Variants in CRBN observed in about 807,000 individuals in gnomAD.
CRBN encodes cereblon.
Under a neutral mutation model 62.2 loss-of-function variants are expected in CRBN, and 53 were observed. That is an observed-to-expected ratio of 0.85 (90% confidence interval 0.68 to 1.07). The LOEUF (loss-of-function observed/expected upper bound fraction) is 1.07. CRBN is among the 50% of genes least tolerant of loss of function. The pLI, the probability that CRBN is intolerant of heterozygous loss-of-function variation, is 0.00. For missense variants in CRBN, 616 were observed against 531.1 expected, an observed-to-expected ratio of 1.16 and a Z score of -1.57; for synonymous variants, 208 against 176.1, an observed-to-expected ratio of 1.18 and a Z score of -1.43.
intron 4 of CRBN, among the ~76,000 whole-genome samples, 190 bp from the exon 5 acceptor site, chr3:3,167,983 A>C (rs886611631): frequency 6.6e-6 from 1 of 152,082 alleles, no homozygotes; most frequent in Admixed American, 6.5e-5. Flanking sequence ...ATCATACCAA[A>C]GTTAAAACCA....
intron 1 of CRBN, among the ~76,000 whole-genome samples, chr3:3,177,511 G>C (rs2126070964): frequency 6.6e-6 from 1 of 152,250 alleles, no homozygotes; most frequent in East Asian, 1.9e-4. Flanking sequence ...TAAAAAAAGA[G>C]CTATCTAAAT....
At chr3:3,160,934 C>T (rs763646358) in intron 5 of CRBN, among the ~76,000 whole-genome samples, 2 of 152,078 alleles carry the variant, frequency 1.3e-5, no homozygotes, top group Non-Finnish European at 2.9e-5. Context: ...AATAGGGAGC[C>T]ATCTGGAAAA....
At chr3:3,167,930 T>G in intron 4 of CRBN, 137 bp from the exon 5 acceptor site, 1 of 756,962 alleles carries the variant, frequency 1.3e-6, no homozygotes, top group Non-Finnish European at 2.2e-6. Flanking sequence ...CAAATACTGA[T>G]GTTAAGATAC....
intron 1 of CRBN, among the ~76,000 whole-genome samples, chr3:3,177,257 T>C (rs1057426164): frequency 6.6e-6 from 1 of 152,208 alleles, no homozygotes; most frequent in Admixed American, 6.5e-5. Flanking sequence ...AAAATGTCAT[T>C]ACGAAATAAT....
chr3:3,161,645 C>T (rs1189123106), intron 5 of CRBN, among the ~76,000 whole-genome samples: 1 of 152,124 alleles, frequency 6.6e-6, no homozygotes, highest in African/African-American at 2.4e-5. Context: ...CCTCAGCCTC[C>T]CAAAGTGCTG....
At chr3:3,165,566 T>C (rs1219117741) in intron 5 of CRBN, among the ~76,000 whole-genome samples, 1 of 152,222 alleles carries the variant, frequency 6.6e-6, no homozygotes. Context: ...TTGTATTTTT[T>C]AGCAATAAAG....
chr3:3,154,697 T>G (rs1034185403), intron 7 of CRBN, 50 bp downstream of exon 7: 10 of 1,019,574 alleles, frequency 9.8e-6, no homozygotes, highest in Non-Finnish European at 1.6e-5. Flanking sequence ...AAAAGCTATT[T>G]TTTATAGCAA....
At chr3:3,152,165 T>TTTA (rs397811853) in intron 10 of CRBN, among the ~76,000 whole-genome samples, 2 of 151,084 alleles carry the variant, frequency 1.3e-5, no homozygotes, top group South Asian at 2.1e-4. Context: ...TTTTTTTTTT[T>TTTA]AAATAGACAG....
Position 3,174,397 on chromosome 3 carries a change from T to C in CRBN, c.175-136A>G, listed in dbSNP as rs1707747768. 3 of 744,890 alleles carry C rather than the reference T, an allele frequency of 4.0e-6. No homozygotes were observed. The South Asian group carries it at 5.0e-5, about 12-fold the overall frequency. 46.1% of individuals were successfully genotyped at this position (744,890 alleles called of 1,614,324 possible). ...GGCTCACACCTGTAATTCCAGCACT[T>C]TGGGAGGCCGAGGTAGGCGGATCAC... On this transcript the variant is annotated intron_variant, in intron 2 of 10. Coordinates refer to ENST00000231948, the MANE Select transcript of CRBN (RefSeq NM_016302.4).
intron 4 of CRBN, among the ~76,000 whole-genome samples, chr3:3,171,521 T>C (rs955380118): frequency 1.3e-5 from 2 of 152,136 alleles, no homozygotes; most frequent in African/African-American, 4.8e-5. Flanking sequence ...CATAAAATCC[T>C]GTCAGGACAG....
chr3:3,174,304 T>G lies in CRBN; in HGVS notation c.175-43A>C, dbSNP rs571837757. 8 of 1,456,544 alleles carry G rather than the reference T, an allele frequency of 5.5e-6. No homozygotes were observed. The African/African-American group carries it at 1.1e-4, about 20-fold the overall frequency. 90.2% of individuals were successfully genotyped at this position (1,456,544 alleles called of 1,614,324 possible). On this transcript the variant is annotated intron_variant, in intron 2 of 10. Coordinates refer to ENST00000231948, the MANE Select transcript of CRBN (RefSeq NM_016302.4). ...TAGGTATAGTGTCATGATCGATATG[T>G]AATAAAAATGTAAGCTCAACAGACT...
At position 3,154,777 on chromosome 3, in the gene CRBN, T is replaced by C. The variant is rs1293363428; in HGVS notation, c.805A>G (p.Lys269Glu). 1 of 1,605,814 alleles carries C rather than the reference T, an allele frequency of 6.2e-7. No homozygotes were observed. Among genetic ancestry groups the C allele is most frequent in the Non-Finnish European group, 8.5e-7 (1 of 1,172,546 alleles). ...KQLREWDENL[K>E]DDSLPSNPID... ...GGATTTGAAGGAAGAGAATCATCTTTTAGATTTTCATCCCATTCACGTAGC... is the reference window on the plus strand; with the variant it reads ...GGATTTGAAGGAAGAGAATCATCTTCTAGATTTTCATCCCATTCACGTAGC... The change falls in exon 7 of 11, where the codon AAA (lysine) becomes GAA (glutamate). Residue 269 changes from lysine (K) to glutamate (E), a missense_variant. Coordinates refer to ENST00000231948, the MANE Select transcript of CRBN (RefSeq NM_016302.4).
At chr3:3,166,091 T>C (rs541864041) in intron 5 of CRBN, among the ~76,000 whole-genome samples, 253 of 152,236 alleles carry the variant, frequency 1.7e-3, no homozygotes, top group African/African-American at 5.8e-3. Context: ...GGGAAGAAAG[T>C]ATTGCACGGT....
intron 3 of CRBN, among the ~76,000 whole-genome samples, chr3:3,173,620 A>G (rs1409984310): frequency 6.6e-6 from 1 of 152,118 alleles, no homozygotes; most frequent in East Asian, 1.9e-4. Context: ...TTTATTTGCC[A>G]TGGGATACTT....
At chr3:3,174,926 T>C (rs1279915585) in intron 2 of CRBN, among the ~76,000 whole-genome samples, 3 of 152,210 alleles carry the variant, frequency 2.0e-5, no homozygotes, top group Non-Finnish European at 2.9e-5. Context: ...AAGTATTTAA[T>C]AGCTCAATTA....
At chr3:3,150,008 A>ATGT (rs1237185545), downstream of CRBN, 5 of 152,152 alleles carry the variant, frequency 3.3e-5, no homozygotes, top group East Asian at 9.6e-4. Flanking sequence ...AACAAAGAAC[A>ATGT]TGTTTAGTTT....
chr3:3,150,077 C>G lies in CRBN; in HGVS notation c.*788G>C, dbSNP rs1360295093. The G allele has an allele frequency of 6.6e-6, 1 of 152,080 alleles. No homozygotes were observed. Among genetic ancestry groups the G allele is most frequent in the African/African-American group, 2.4e-5 (1 of 41,418 alleles). 9.4% of individuals were successfully genotyped at this position (152,080 alleles called of 1,614,324 possible). On this transcript the variant is annotated 3_prime_UTR_variant, in exon 11 of 11. Coordinates refer to ENST00000231948, the MANE Select transcript of CRBN (RefSeq NM_016302.4). ...TCAATTTACATTGAACAAAATAATA[C>G]AGTATCAAGTTTAGTCTGGGTGAGG...
In CRBN at chr3:3,160,229, C is replaced by A. The variant is rs1373849344; in HGVS notation, c.688-3948G>T. On this transcript the variant is annotated intron_variant, in intron 5 of 10. Transcript: ENST00000231948. ...TCCATTTAAGTGAGTCTTTGAAGTG[C>A]AATGAAAATGGAAAGAGTAATGTGA... Among the ~76,000 whole-genome samples, 4 of 152,110 alleles carry A rather than the reference C, an allele frequency of 2.6e-5. No homozygotes were observed. The East Asian group carries it at 7.7e-4, about 29-fold the overall frequency.
chr3:3,152,695 A>G (rs1195773961), intron 9 of CRBN, 108 bp from the exon 10 acceptor site: 4 of 1,333,190 alleles, frequency 3.0e-6, no homozygotes, highest in Non-Finnish European at 4.2e-6. Context: ...TGAGCTATAC[A>G]GTTTTTAATC....
Sources: allele counts gnomAD v4.1 joint callset (sites outside exome capture counted in the v4.1 genomes callset), GRCh38; gene constraint gnomAD v4.1.1; transcripts MANE v1.5; gene names NCBI Gene and HGNC (gene_info 2026-07-23, HGNC 2026-07-21).